The following CNTNAP5 variants were observed in gnomAD, a reference collection of about 807,000 sequenced individuals.
CNTNAP5 encodes the protein contactin associated protein family member 5, also known as contactin-associated protein-like 5.
Under a neutral mutation model 150.2 loss-of-function variants are expected in CNTNAP5, and 72 were observed. The observed-to-expected ratio is 0.48, with a 90% confidence interval of 0.40 to 0.58. The LOEUF is 0.58. CNTNAP5 is among the 20% of genes least tolerant of loss of function. The pLI, the probability that CNTNAP5 is intolerant of heterozygous loss-of-function variation, is 0.00. For synonymous variants in CNTNAP5, 672 were observed against 619.8 expected, an observed-to-expected ratio of 1.08 and a Z score of -1.25; for missense variants, 1,636 against 1,626.2, an observed-to-expected ratio of 1.01 and a Z score of -0.10.
At chr2:124,472,043 A>G (rs1404361835) in intron 6 of CNTNAP5, among the ~76,000 whole-genome samples, 8 of 152,092 alleles carry the variant, frequency 5.3e-5, no homozygotes, top group African/African-American at 1.9e-4. Flanking sequence ...ATGATAAAAT[A>G]TAAAACTCAG....
At chr2:124,699,880 C>T (rs924907903) in intron 13 of CNTNAP5, among the ~76,000 whole-genome samples, 12 of 151,322 alleles carry the variant, frequency 7.9e-5, no homozygotes, top group African/African-American at 2.2e-4. Context: ...TAAAATTCAT[C>T]GTTTTAAAGT....
chr2:124,162,343 T>TA (rs1243085898), intron 1 of CNTNAP5, among the ~76,000 whole-genome samples: 2 of 152,142 alleles, frequency 1.3e-5, no homozygotes, highest in Non-Finnish European at 2.9e-5. Context: ...TTAAACTTGG[T>TA]AAAAAAATTA....
rs961023906 is a variant in CNTNAP5 at position 124,916,385 on chromosome 2, A to C, written c.*2097A>C. 6.6e-6 allele frequency among the ~76,000 whole-genome samples: 1 copy of C among 151,892 alleles called. No homozygotes were observed. The highest frequency in any genetic ancestry group is 2.4e-5 in the African/African-American group (1 of 41,384). ...TTCAATTTTCATTTTTGAATTTTCT[A>C]TTTCCATAAAAAGGCTATATAAATC... On this transcript the variant is annotated 3_prime_UTR_variant, in exon 24 of 24. Coordinates refer to ENST00000682447, the MANE Select transcript of CNTNAP5 (RefSeq NM_001367498.1).
intron 3 of CNTNAP5, among the ~76,000 whole-genome samples, chr2:124,402,210 A>G (rs781392961): frequency 1.6e-4 from 25 of 152,148 alleles, no homozygotes; most frequent in Non-Finnish European, 2.9e-4. Context: ...AGGCCAGGAC[A>G]AGGAGACTAG....
intron 8 of CNTNAP5, among the ~76,000 whole-genome samples, chr2:124,522,086 AGCT>A (rs1694858632): frequency 6.6e-6 from 1 of 152,176 alleles, no homozygotes; most frequent in Non-Finnish European, 1.5e-5. Flanking sequence ...GATGGGTCAC[AGCT>A]GCCCAGGTGC....
chr2:124,200,918 C>T, intron 1 of CNTNAP5, among the ~76,000 whole-genome samples: 1 of 152,196 alleles, frequency 6.6e-6, no homozygotes, highest in East Asian at 1.9e-4. Flanking sequence ...GCAGAGCCAT[C>T]TTCAGGCCAA....
intron 19 of CNTNAP5, among the ~76,000 whole-genome samples, chr2:124,831,426 T>C (rs1249243724): frequency 6.6e-6 from 1 of 152,020 alleles, no homozygotes; most frequent in East Asian, 1.9e-4. Flanking sequence ...TTCCTTTCTA[T>C]CTTGTTTCAT....
chr2:124,577,679 A>G (rs1253561050), intron 11 of CNTNAP5, among the ~76,000 whole-genome samples: 1 of 152,140 alleles, frequency 6.6e-6, no homozygotes, highest in African/African-American at 2.4e-5. Flanking sequence ...AGCTAAATTG[A>G]ATATAGGAAA....
chr2:124,777,094 A>T (rs2104616150), intron 17 of CNTNAP5, among the ~76,000 whole-genome samples: 1 of 152,066 alleles, frequency 6.6e-6, no homozygotes, highest in South Asian at 2.1e-4. Context: ...TAGCCACATA[A>T]GAAACACTAG....
In CNTNAP5 at chr2:124,236,956, C is replaced by T. The variant is rs557893516; in HGVS notation, c.188-5244C>T. Among the ~76,000 whole-genome samples the T allele has an allele frequency of 1.2e-4, 18 of 152,102 alleles. No individual in the cohort carries two copies. The South Asian group carries it at 1.9e-3, about 16-fold the overall frequency. On this transcript the variant is annotated intron_variant, in intron 2 of 23. Transcript: ENST00000682447. ...CAGCCTGGCCAACATGATGAAACCCCGTCTCTACTAAAAGTACAAAAAATT... is the reference window on the plus strand; with the variant it reads ...CAGCCTGGCCAACATGATGAAACCCTGTCTCTACTAAAAGTACAAAAAATT...
In CNTNAP5 at chr2:124,285,304, G is replaced by A. The variant is rs116019490; in HGVS notation, c.381+42911G>A. ...GCTTTCCCTCCCTTTCTACTCTTGG[G>A]AATATCTGGGACATAGGCTGAGCTC... On this transcript the variant is annotated intron_variant, in intron 3 of 23. Coordinates refer to ENST00000682447, the MANE Select transcript of CNTNAP5 (RefSeq NM_001367498.1). 6.3e-3 allele frequency among the ~76,000 whole-genome samples: 952 copies of A among 152,108 alleles called. 15 individuals carry two copies. The highest frequency in any genetic ancestry group is 0.022 in the African/African-American group (901 of 41,496).
chr2:124,096,821 A>G (rs1682944534), intron 1 of CNTNAP5, among the ~76,000 whole-genome samples: 1 of 151,984 alleles, frequency 6.6e-6, no homozygotes, highest in African/African-American at 2.4e-5. Flanking sequence ...CCCCTGCCTC[A>G]ACCTCCCGAG....
At chr2:124,604,909 T>C (rs922685420) in intron 11 of CNTNAP5, among the ~76,000 whole-genome samples, 2 of 152,210 alleles carry the variant, frequency 1.3e-5, no homozygotes, top group African/African-American at 2.4e-5. Flanking sequence ...ACCTGTTCAA[T>C]GAAGTCAAAC....
chr2:124,531,840 A>C (rs528405981), intron 10 of CNTNAP5, among the ~76,000 whole-genome samples: 9 of 152,288 alleles, frequency 5.9e-5, no homozygotes, highest in African/African-American at 2.2e-4. Flanking sequence ...TGCAAAATTA[A>C]TATAAGTAGA....
chr2:124,404,700 T>C (rs1691525173), intron 3 of CNTNAP5, among the ~76,000 whole-genome samples: 2 of 152,212 alleles, frequency 1.3e-5, no homozygotes, highest in African/African-American at 4.8e-5. Context: ...GTGATCTCCT[T>C]TCTATGTGCT....
chr2:124,719,967 G>A (rs1445034612), intron 13 of CNTNAP5, among the ~76,000 whole-genome samples: 2 of 152,114 alleles, frequency 1.3e-5, no homozygotes, highest in South Asian at 2.1e-4. Context: ...CGTGGGGAAA[G>A]CCATGGAGAA....
At chr2:124,222,596 C>T (rs899746717) in intron 2 of CNTNAP5, among the ~76,000 whole-genome samples, 5 of 151,868 alleles carry the variant, frequency 3.3e-5, no homozygotes, top group African/African-American at 7.3e-5. Flanking sequence ...AAGAGAGCTA[C>T]GGGTCTATTA....
chr2:124,519,102 G>T (rs1321397162), intron 8 of CNTNAP5, among the ~76,000 whole-genome samples: 2 of 150,652 alleles, frequency 1.3e-5, no homozygotes, highest in African/African-American at 4.9e-5. Context: ...CATAATGTAT[G>T]ATTTTATTTA....
chr2:124,698,630 T>C (rs1259168358), intron 13 of CNTNAP5, among the ~76,000 whole-genome samples: 1 of 152,098 alleles, frequency 6.6e-6, no homozygotes, highest in African/African-American at 2.4e-5. Flanking sequence ...TACCCTGAAC[T>C]GGGGGAGGTC....
Sources: allele counts gnomAD v4.1 joint callset (sites outside exome capture counted in the v4.1 genomes callset), GRCh38; gene constraint gnomAD v4.1.1; transcripts MANE v1.5; gene names NCBI Gene and HGNC (gene_info 2026-07-23, HGNC 2026-07-21).